MIPOL1: variants seen among roughly 807,000 people sequenced by gnomAD.
The protein encoded by MIPOL1 is mirror-image polydactyly 1.
Under a neutral mutation model 60.9 loss-of-function variants are expected in MIPOL1, and 57 were observed. That is an observed-to-expected ratio of 0.94 (90% CI 0.76 to 1.17). MIPOL1 has a LOEUF of 1.17. Ranked by LOEUF, MIPOL1 falls within the 50% of genes most tolerant of loss-of-function variation. MIPOL1 has a pLI of 0.00. For missense variants in MIPOL1, 551 were observed against 511.6 expected (o/e 1.08, Z -0.74); for synonymous variants, 179 against 168.8 (o/e 1.06, Z -0.47).
intron 7 of MIPOL1, among the ~76,000 whole-genome samples, chr14:37,295,838 C>A (rs2085609346): frequency 6.6e-6 from 1 of 152,110 alleles, no homozygotes; most frequent in South Asian, 2.1e-4. Flanking sequence ...GACTTAGACC[C>A]CCACACAGTA....
chr14:37,325,582 C>T (rs1381176644), intron 9 of MIPOL1, among the ~76,000 whole-genome samples: 1 of 149,478 alleles, frequency 6.7e-6, no homozygotes, highest in East Asian at 2.0e-4. Flanking sequence ...CTTCTTCCTT[C>T]TCTTTTTCTC....
At chr14:37,266,161 T>C (rs1266520258) in intron 3 of MIPOL1, among the ~76,000 whole-genome samples, 7 of 152,172 alleles carry the variant, frequency 4.6e-5, no homozygotes, top group Non-Finnish European at 1.5e-5. Flanking sequence ...TTGAAGAAGA[T>C]AGTGTGGTCA....
chr14:37,290,200 C>G (rs2084934574), intron 7 of MIPOL1, among the ~76,000 whole-genome samples: 1 of 152,106 alleles, frequency 6.6e-6, no homozygotes, highest in Non-Finnish European at 1.5e-5. Flanking sequence ...GACAGATTCC[C>G]CATCCCCTTG....
chr14:37,495,101 T>C (rs1594715923), intron 11 of MIPOL1, among the ~76,000 whole-genome samples: 1 of 146,060 alleles, frequency 6.8e-6, no homozygotes, highest in Non-Finnish European at 1.5e-5. Flanking sequence ...ATTCTTTTTT[T>C]TTCTAGGTAA....
At chr14:37,434,233 C>T (rs1381312654) in intron 11 of MIPOL1, among the ~76,000 whole-genome samples, 1 of 152,082 alleles carries the variant, frequency 6.6e-6, no homozygotes, top group Admixed American at 6.6e-5. Flanking sequence ...TTCTAACTGG[C>T]GTGAGATGGT....
At position 37,281,467 on chromosome 14, in the gene MIPOL1, C is replaced by T. The variant is rs574868555; in HGVS notation, c.494-3851C>T. 1.8e-3 allele frequency among the ~76,000 whole-genome samples: 267 copies of T among 152,184 alleles called. 1 individual carries two copies. The highest frequency in any genetic ancestry group is 5.7e-3 in the African/African-American group (236 of 41,536). On this transcript the variant is annotated intron_variant, in intron 6 of 12. Coordinates refer to ENST00000684589, the MANE Select transcript of MIPOL1 (RefSeq NM_001388067.1). ...TCGCCCAGGCTGGAATACAGTGGCACGATCTCAGCTTACTGCAACCTCCGC... is the reference window on the plus strand; with the variant it reads ...TCGCCCAGGCTGGAATACAGTGGCATGATCTCAGCTTACTGCAACCTCCGC...
At chr14:37,486,376 C>T (rs1001465575) in intron 11 of MIPOL1, among the ~76,000 whole-genome samples, 1 of 151,994 alleles carries the variant, frequency 6.6e-6, no homozygotes, top group South Asian at 2.1e-4. Flanking sequence ...TTAAGAAAGT[C>T]AATGGTAGCT....
chr14:37,235,480 G>A (rs1381552608), intron 1 of MIPOL1, among the ~76,000 whole-genome samples: 1 of 152,092 alleles, frequency 6.6e-6, no homozygotes, highest in Non-Finnish European at 1.5e-5. Flanking sequence ...CTTTGTATGG[G>A]TGTGTGGTAT....
intron 1 of MIPOL1, among the ~76,000 whole-genome samples, chr14:37,207,659 C>G (rs1016875980): frequency 1.3e-5 from 2 of 152,066 alleles, no homozygotes; most frequent in African/African-American, 4.8e-5. Context: ...GATTCTTGTG[C>G]TTCAGCCTCC....
chr14:37,505,259 A>C (rs753802606), intron 12 of MIPOL1: 11 of 152,282 alleles, frequency 7.2e-5, no homozygotes, highest in Non-Finnish European at 5.9e-5. Context: ...TCATGAGGCC[A>C]GCATCATCCT....
rs368324735 is a variant in MIPOL1, at chr14:37,247,930, T to C, written c.19+23T>C. ...AAGGTAAGGACTTTTAAGGTATTAA[T>C]ACCAAGCCCCAGGTGTTGTTCTAGT... On this transcript the variant is annotated intron_variant, in intron 3 of 12. Transcript: ENST00000684589. The C allele has an allele frequency of 3.1e-6, 5 of 1,611,338 alleles. No individual in the cohort carries two copies. The African/African-American group carries it at 5.3e-5, about 17-fold the overall frequency.
intron 6 of MIPOL1, among the ~76,000 whole-genome samples, chr14:37,280,882 T>G (rs1317386011): frequency 1.3e-5 from 2 of 152,040 alleles, no homozygotes; most frequent in Admixed American, 6.6e-5. Flanking sequence ...TAATTGTTAT[T>G]GAATAGTTCG....
In MIPOL1 at chr14:37,200,875, TGTGTGTGTGTGTGTGTGTGTGTGTA is replaced by T. The variant is rs1429347032; in HGVS notation, c.-199+2772_-199+2796del. Among the ~76,000 whole-genome samples the T allele has an allele frequency of 1.5e-3, 176 of 118,432 alleles. 6 individuals are homozygous for T. Among genetic ancestry groups the T allele is most frequent in the African/African-American group, 5.8e-3 (165 of 28,644 alleles). 77.7% of individuals were successfully genotyped at this position (118,432 alleles called of 152,430 possible). On this transcript the variant is annotated intron_variant, in intron 1 of 12. Transcript: ENST00000684589. ...ATGTGTGTGTGTGTGTGTGTGTGTG[TGTGTGTGTGTGTGTGTGTGTGTGTA>T]TTTTTTTTTTTTTTTTTTTTGAGAC...
At chr14:37,432,795 G>T (rs2094096678) in intron 11 of MIPOL1, among the ~76,000 whole-genome samples, 1 of 152,006 alleles carries the variant, frequency 6.6e-6, no homozygotes, top group South Asian at 2.1e-4. Context: ...GCTTTGTTTG[G>T]TCTGCATATC....
intron 11 of MIPOL1, among the ~76,000 whole-genome samples, chr14:37,452,183 A>G (rs2094430847): frequency 6.6e-6 from 1 of 152,168 alleles, no homozygotes; most frequent in South Asian, 2.1e-4. Flanking sequence ...TATGGCTACT[A>G]AAAAGTCTCT....
intron 11 of MIPOL1, among the ~76,000 whole-genome samples, chr14:37,481,383 A>T (rs561594611): frequency 1.3e-5 from 2 of 152,270 alleles, no homozygotes; most frequent in East Asian, 3.9e-4. Flanking sequence ...AAGAGGACAC[A>T]AATAAGTGGA....
At chr14:37,344,009 A>C (rs1024692071) in intron 9 of MIPOL1, among the ~76,000 whole-genome samples, 2 of 152,156 alleles carry the variant, frequency 1.3e-5, no homozygotes, top group African/African-American at 2.4e-5. Flanking sequence ...ATTTTGAAGG[A>C]AATCCAGACA....
At chr14:37,295,580 A>G (rs900838354) in intron 7 of MIPOL1, among the ~76,000 whole-genome samples, 1 of 152,178 alleles carries the variant, frequency 6.6e-6, no homozygotes, top group African/African-American at 2.4e-5. Context: ...AGAGACACAC[A>G]TAGGCTCAAA....
intron 10 of MIPOL1, among the ~76,000 whole-genome samples, chr14:37,389,598 A>G (rs1414611848): frequency 1.3e-5 from 2 of 150,952 alleles, no homozygotes; most frequent in Non-Finnish European, 2.9e-5. Flanking sequence ...TCATTGGAGT[A>G]AGAAGACTAG....
Sources: allele counts gnomAD v4.1 joint callset (sites outside exome capture counted in the v4.1 genomes callset), GRCh38; gene constraint gnomAD v4.1.1; transcripts MANE v1.5; gene names NCBI Gene and HGNC (gene_info 2026-07-23, HGNC 2026-07-21).